The following BCKDHB variants were observed in gnomAD, a reference collection of about 807,000 sequenced individuals.
BCKDHB encodes branched chain keto acid dehydrogenase E1 subunit beta, also known as 2-oxoisovalerate dehydrogenase subunit beta, mitochondrial.
A neutral mutation model predicts 48.5 loss-of-function variants in BCKDHB; 41 were observed. The ratio of observed to expected loss-of-function variants is 0.85; its 90% CI spans 0.66 to 1.10. The LOEUF (loss-of-function observed/expected upper bound fraction) is 1.10, where lower values mean the gene tolerates loss of function less well. Ranked by LOEUF, BCKDHB falls within the 50% of genes least tolerant of loss-of-function variation. BCKDHB has a pLI of 0.00. For synonymous variants in BCKDHB, 201 were observed against 174.8 expected, an observed-to-expected ratio of 1.15 and a Z score of -1.18; for missense variants, 496 against 494.2, an observed-to-expected ratio of 1.00 and a Z score of -0.03.
chr6:80,449,546 G>A, the BCKDHB span, among the ~76,000 whole-genome samples: 905 of 152,234 alleles, frequency 5.9e-3, 9 homozygotes, highest in African/African-American at 0.02. Flanking sequence ...ACGTTAACTT[G>A]TTCTCTATTC....
In BCKDHB at chr6:80,217,055, C is replaced by T. The variant is rs1775204758; in HGVS notation, c.951+13843C>T. On this transcript the variant is annotated intron_variant, in intron 8 of 9. Transcript: ENST00000320393. Reference sequence around the variant, plus strand: ...GTCAGGAGTTTGAGACCAGCCTGACCAACATGGTGAAACCCCACCTCTACT... The same window carrying T: ...GTCAGGAGTTTGAGACCAGCCTGACTAACATGGTGAAACCCCACCTCTACT... Among the ~76,000 whole-genome samples, 3 of 152,010 alleles carry T rather than the reference C, an allele frequency of 2.0e-5. No individual in the cohort carries two copies. The South Asian group carries it at 6.2e-4, about 32-fold the overall frequency.
intron 6 of BCKDHB, among the ~76,000 whole-genome samples, chr6:80,172,339 C>T (rs9343971): frequency 0.36 from 55,364 of 151,806 alleles, 11,962 homozygotes; most frequent in East Asian, 0.56. Flanking sequence ...TGAATATTCA[C>T]TGTTCATTTC....
the BCKDHB span, among the ~76,000 whole-genome samples, chr6:80,364,868 C>T: frequency 1.7e-3 from 259 of 152,198 alleles, no homozygotes; most frequent in African/African-American, 5.8e-3. Context: ...TTATATTTTC[C>T]GTAAGTGTTG....
chr6:80,447,118 A>G, the BCKDHB span, among the ~76,000 whole-genome samples: 1 of 152,142 alleles, frequency 6.6e-6, no homozygotes, highest in Non-Finnish European at 1.5e-5. Flanking sequence ...AATAAAAACT[A>G]GTTTTTTTCT....
At position 80,292,985 on chromosome 6, in the gene BCKDHB, G is replaced by T. The variant is rs573945967; in HGVS notation, c.1038+19764G>T. 2.2e-4 allele frequency among the ~76,000 whole-genome samples: 33 copies of T among 152,290 alleles called. No homozygotes were observed. In the East Asian group the frequency reaches 5.8e-3, roughly 27 times the overall value. On this transcript the variant is annotated intron_variant, in intron 9 of 9. Transcript: ENST00000320393. Reference sequence around the variant, plus strand: ...CAAGAGGTGGGTTCCCATGGTCTTGGGCAGAGCTGCCCCTGTGGCTTTGCA... The same window carrying T: ...CAAGAGGTGGGTTCCCATGGTCTTGTGCAGAGCTGCCCCTGTGGCTTTGCA...
At chr6:80,276,545 A>G (rs1777976265) in intron 9 of BCKDHB, among the ~76,000 whole-genome samples, 1 of 151,924 alleles carries the variant, frequency 6.6e-6, no homozygotes, top group Non-Finnish European at 1.5e-5. Context: ...ATTTTAGTAT[A>G]CAGATCAAAT....
chr6:80,449,694 C>G, the BCKDHB span, among the ~76,000 whole-genome samples: 9 of 152,020 alleles, frequency 5.9e-5, no homozygotes, highest in Non-Finnish European at 2.9e-5. Flanking sequence ...TCTGGTTGTC[C>G]CACTCTTAGA....
chr6:80,157,526 C>G (rs1772104296), intron 3 of BCKDHB, among the ~76,000 whole-genome samples: 1 of 135,384 alleles, frequency 7.4e-6, no homozygotes. Context: ...AATGCAATGG[C>G]ACGATCTTGG....
At chr6:80,429,385 A>G in the BCKDHB span, among the ~76,000 whole-genome samples, 1 of 152,120 alleles carries the variant, frequency 6.6e-6, no homozygotes. Flanking sequence ...TGAAATTTAT[A>G]ATAGTTTTTT....
At chr6:80,181,867 TTCTG>T (rs1388684879) in intron 6 of BCKDHB, among the ~76,000 whole-genome samples, 1 of 152,208 alleles carries the variant, frequency 6.6e-6, no homozygotes, top group Non-Finnish European at 1.5e-5. Context: ...GAGATTTGGA[TTCTG>T]TCTATTGCTT....
chr6:80,205,350 T>G (rs980976159), intron 8 of BCKDHB, among the ~76,000 whole-genome samples: 1 of 152,122 alleles, frequency 6.6e-6, no homozygotes, highest in Non-Finnish European at 1.5e-5. Context: ...TTTTGTCTTA[T>G]GACTCATTAG....
intron 1 of BCKDHB, among the ~76,000 whole-genome samples, chr6:80,122,014 G>C (rs1368607738): frequency 6.6e-6 from 1 of 152,136 alleles, no homozygotes; most frequent in Non-Finnish European, 1.5e-5. Context: ...TTATTATTTT[G>C]AGATATGTTC....
At chr6:80,252,864 G>T (rs1776891824) in intron 8 of BCKDHB, among the ~76,000 whole-genome samples, 1 of 152,054 alleles carries the variant, frequency 6.6e-6, no homozygotes, top group East Asian at 1.9e-4. Context: ...AGTTAAATAG[G>T]TTGTTTGTAA....
At chr6:80,425,894 T>C in the BCKDHB span, among the ~76,000 whole-genome samples, 1 of 152,216 alleles carries the variant, frequency 6.6e-6, no homozygotes, top group Non-Finnish European at 1.5e-5. Context: ...CTGAGGGTAA[T>C]ATTTTTTTCA....
chr6:80,430,698 A>T, the BCKDHB span, among the ~76,000 whole-genome samples: 1 of 151,650 alleles, frequency 6.6e-6, no homozygotes, highest in South Asian at 2.1e-4. Context: ...CATCTATTTG[A>T]TTCTTCTCCC....
chr6:80,420,478 G>A, the BCKDHB span, among the ~76,000 whole-genome samples: 4 of 152,196 alleles, frequency 2.6e-5, no homozygotes, highest in Non-Finnish European at 4.4e-5. Context: ...CCCTAGAGCA[G>A]TGCCCTGAAA....
At chr6:80,147,431 C>T (rs902190098) in intron 3 of BCKDHB, among the ~76,000 whole-genome samples, 3 of 152,140 alleles carry the variant, frequency 2.0e-5, no homozygotes, top group Non-Finnish European at 4.4e-5. Flanking sequence ...TGTACAAATT[C>T]AAGTTGCATT....
intron 8 of BCKDHB, among the ~76,000 whole-genome samples, chr6:80,230,238 C>G (rs1013370499): frequency 6.6e-6 from 1 of 151,034 alleles, no homozygotes; most frequent in South Asian, 2.1e-4. Context: ...CGGGGTTTCA[C>G]CGTGTTAGCC....
chr6:80,254,018 ACTAT>A (rs1172862754), intron 8 of BCKDHB, among the ~76,000 whole-genome samples: 9 of 152,022 alleles, frequency 5.9e-5, no homozygotes, highest in Admixed American at 3.3e-4. Flanking sequence ...TTACAAAATA[ACTAT>A]CTAGAATGTT....
Sources: allele counts gnomAD v4.1 joint callset (sites outside exome capture counted in the v4.1 genomes callset), GRCh38; gene constraint gnomAD v4.1.1; transcripts MANE v1.5; gene names NCBI Gene and HGNC (gene_info 2026-07-23, HGNC 2026-07-21).